The following STX1B variants were observed in gnomAD, a reference collection of about 807,000 sequenced individuals.
STX1B encodes syntaxin-1B.
Under a neutral mutation model 39.4 loss-of-function variants are expected in STX1B, and 7 were observed. That is an observed-to-expected ratio of 0.18 (90% CI 0.10 to 0.33). The LOEUF (loss-of-function observed/expected upper bound fraction) is 0.33, where lower values mean the gene tolerates loss of function less well. Ranked by LOEUF, STX1B falls within the 10% of genes least tolerant of loss-of-function variation. The probability of loss-of-function intolerance (pLI) is 1.00; values close to 1 mark genes in which losing one functional copy is unlikely to be tolerated. For synonymous variants in STX1B, 136 were observed against 144.1 expected (o/e 0.94, Z 0.40); for missense variants, 198 against 383.2 (o/e 0.52, Z 4.04).
At chr16:31,008,118 A>G (rs74015060) in intron 1 of STX1B, among the ~76,000 whole-genome samples, 7,123 of 151,618 alleles carry the variant, frequency 0.047, 590 homozygotes, top group African/African-American at 0.16. Context: ...AGTGTCTCAG[A>G]GACCCCGTTT....
At chr16:31,006,906 G>A (rs1339929520) in intron 1 of STX1B, among the ~76,000 whole-genome samples, 1 of 152,136 alleles carries the variant, frequency 6.6e-6, no homozygotes, top group East Asian at 1.9e-4. Flanking sequence ...TTTGAGGCCA[G>A]GAGTTCAAGA....
In STX1B at chr16:31,005,470, C is replaced by CTTTTTT. The variant is rs35407745; in HGVS notation, c.31-3873_31-3868dup. Among the ~76,000 whole-genome samples, 610 of 113,716 alleles carry CTTTTTT rather than the reference C, an allele frequency of 5.4e-3. 12 individuals carry two copies. The highest frequency in any genetic ancestry group is 0.034 in the Middle Eastern group (5 of 148). 74.6% of individuals were successfully genotyped at this position (113,716 alleles called of 152,430 possible). On this transcript the variant is annotated intron_variant, in intron 1 of 9. Transcript: ENST00000215095. ...TTGCATTTCTTTTTTTTTCTTTTTC[C>CTTTTTT]TTTTTTTTTTTTTTTTTTTGAGAGA...
At position 31,001,511 on chromosome 16, in the gene STX1B, G is replaced by A. The variant is rs757726520; in HGVS notation, c.105+18C>T. ...GCTGGGGCTGGGGCTGGGGCTGGGG[G>A]CCTTGGAGGCCCATTACCTGTTCAA... On this transcript the variant is annotated intron_variant, in intron 2 of 9. Coordinates refer to ENST00000215095, the MANE Select transcript of STX1B (RefSeq NM_052874.5). The surrounding 1 kb of genome is among the most constrained non-coding windows in gnomAD (Gnocchi z 5.5). 1.9e-6 allele frequency: 3 copies of A among 1,591,290 alleles called. No homozygotes were observed. Among genetic ancestry groups the A allele is most frequent in the African/African-American group, 1.3e-5 (1 of 74,528 alleles).
intron 1 of STX1B, among the ~76,000 whole-genome samples, chr16:31,004,782 C>T (rs2056647579): frequency 6.6e-6 from 1 of 152,136 alleles, no homozygotes; most frequent in Non-Finnish European, 1.5e-5. Context: ...CAATGCCTAC[C>T]ACCGGCTGAT....
chr16:30,997,678 G>A (rs904820903), intron 4 of STX1B, 103 bp from the exon 5 acceptor site: 10 of 1,122,040 alleles, frequency 8.9e-6, no homozygotes, highest in African/African-American at 4.7e-5. Flanking sequence ...GCCAGGCCCG[G>A]GGAGAAACGT....
At position 31,001,568 on chromosome 16, in the gene STX1B, G is replaced by C; in HGVS notation, c.66C>G (p.His22Gln). The C allele has an allele frequency of 1.2e-6, 2 of 1,613,384 alleles. No homozygotes were observed. The highest frequency in any genetic ancestry group is 8.5e-7 in the Non-Finnish European group (1 of 1,179,888). ...KDSDDEEEVV[H>Q]VDRDHFMDEF... ...CATCCATGAAGTGGTCCCGATCCAC[G>C]TGGACCACCTCCTCTTCATCATCAC... Residue 22 changes from histidine to glutamine, a missense_variant, in exon 2 of 10, where the codon CAC becomes CAG. His to Gln is a conservative substitution (Grantham distance 24). Coordinates refer to ENST00000215095, the MANE Select transcript of STX1B (RefSeq NM_052874.5). The surrounding 1 kb of genome is among the most constrained non-coding windows in gnomAD (Gnocchi z 5.5).
chr16:30,993,036 G>C lies in STX1B; in HGVS notation c.786+94C>G, dbSNP rs1275192457. ...CAGAAACAGGAAGAGGTCAGAGCCA[G>C]AGATAAGGCCTCCCGCCCGCTGCCA... On this transcript the variant is annotated intron_variant, in intron 9 of 9. Transcript: ENST00000215095. 3 of 1,385,422 alleles carry C rather than the reference G, an allele frequency of 2.2e-6. No homozygotes were observed. In the East Asian group the frequency reaches 6.9e-5, roughly 32 times the overall value. The allele number at this position is 1,385,422 out of a possible 1,614,324, so 85.8% of individuals were successfully genotyped here.
intron 4 of STX1B, among the ~76,000 whole-genome samples, chr16:31,000,050 T>G (rs1596718628): frequency 6.6e-6 from 1 of 150,910 alleles, no homozygotes; most frequent in Non-Finnish European, 1.5e-5. Flanking sequence ...CAGGCTGGAG[T>G]GCAGTGGCGC....
rs2056622697 is a variant in STX1B, at chr16:31,000,810, G to T, written c.280+118C>A. ...GACAGAGTTTTGCCATGTTGCCCAGGCTGGTGTTGAACTCCTGGGATTGAG... is the reference window on the plus strand; with the variant it reads ...GACAGAGTTTTGCCATGTTGCCCAGTCTGGTGTTGAACTCCTGGGATTGAG... On this transcript the variant is annotated intron_variant, in intron 4 of 9. Transcript: ENST00000215095. The T allele has an allele frequency of 5.0e-6, 5 of 993,534 alleles. No homozygotes were observed. In the East Asian group the frequency reaches 7.2e-5, roughly 14 times the overall value. 61.5% of individuals were successfully genotyped at this position (993,534 alleles called of 1,614,324 possible). A position where few individuals can be genotyped will look rare whatever the true frequency, so the allele number is the denominator to read the frequency against.
At chr16:30,998,720 G>A (rs1414693401) in intron 4 of STX1B, among the ~76,000 whole-genome samples, 1 of 152,192 alleles carries the variant, frequency 6.6e-6, no homozygotes, top group Non-Finnish European at 1.5e-5. Flanking sequence ...GGTCTGAAAG[G>A]TCAGCTTCTC....
chr16:31,001,421 T>TGCTGGG lies in STX1B; in HGVS notation c.105+102_105+107dup, dbSNP rs1362129335. The TGCTGGG allele has an allele frequency of 4.7e-6, 4 of 855,254 alleles. No individual in the cohort carries two copies. Among genetic ancestry groups the TGCTGGG allele is most frequent in the African/African-American group, 1.9e-5 (1 of 51,766 alleles). 53.0% of individuals were successfully genotyped at this position (855,254 alleles called of 1,614,324 possible). A position where few individuals can be genotyped will look rare whatever the true frequency, so the allele number is the denominator to read the frequency against. ...GGTGGGACTAGGGGCTGGGGCTGGGTGCTGGGGCTGGGGCTGGGTGCCGGG... is the reference window on the plus strand; with the variant it reads ...GGTGGGACTAGGGGCTGGGGCTGGGTGCTGGGGCTGGGGCTGGGGCTGGGTGCCGGG... On this transcript the variant is annotated intron_variant, in intron 2 of 9. Transcript: ENST00000215095. The surrounding 1 kb of genome is among the most constrained non-coding windows in gnomAD (Gnocchi z 5.5).
intron 1 of STX1B, among the ~76,000 whole-genome samples, chr16:31,002,324 G>T (rs926320211): frequency 6.6e-6 from 1 of 151,940 alleles, no homozygotes; most frequent in East Asian, 1.9e-4. Context: ...CCCTCCACCC[G>T]CAGGGCTCAG....
Position 30,992,090 on chromosome 16 carries a change from G to GACAC in STX1B, c.*727_*730dup, listed in dbSNP as rs55683703. 20,692 of 146,918 alleles carry GACAC rather than the reference G, an allele frequency of 0.14. 1,725 individuals are homozygous for GACAC. Among genetic ancestry groups the GACAC allele is most frequent in the Middle Eastern group, 0.23 (65 of 288 alleles). The allele number at this position is 146,918 out of a possible 1,614,324, so 9.1% of individuals were successfully genotyped here. The stretch of plus-strand genomic sequence containing the variant: ...CTATCAATACTTCAGGCACATCCTG[G>GACAC]ACACACACACACACACACACACACA... On this transcript the variant is annotated 3_prime_UTR_variant, in exon 10 of 10. Transcript: ENST00000215095.
At position 31,001,554 on chromosome 16, in the gene STX1B, T is replaced by C. The variant is rs1277040146; in HGVS notation, c.80A>G (p.His27Arg). 1 of 1,612,892 alleles carries C rather than the reference T, an allele frequency of 6.2e-7. No individual in the cohort carries two copies. Among genetic ancestry groups the C allele is most frequent in the South Asian group, 1.1e-5 (1 of 91,048 alleles). ...CTGTTCAAAGAACTCATCCATGAAGTGGTCCCGATCCACGTGGACCACCTC... is the reference window on the plus strand; with the variant it reads ...CTGTTCAAAGAACTCATCCATGAAGCGGTCCCGATCCACGTGGACCACCTC... ...EEEVVHVDRD[H>R]FMDEFFEQVE... The change falls in exon 2 of 10, where the codon CAC becomes CGC. Residue 27 changes from histidine (H) to arginine (R), a missense_variant. Physicochemically the swap from His to Arg is conservative, Grantham distance 29. Coordinates refer to ENST00000215095, the MANE Select transcript of STX1B (RefSeq NM_052874.5). This position sits in a 1 kb window ranked among gnomAD's most constrained non-coding sequence, Gnocchi z 5.5.
rs1162942429 is a variant in STX1B at position 30,991,440 on chromosome 16, G to C, written c.*1381C>G. ...GCACTGGGCAGCACCTCTGGGGAGG[G>C]GGGCAGGGCAAGGACAACTGGAGAG... On this transcript the variant is annotated 3_prime_UTR_variant, in exon 10 of 10. Transcript: ENST00000215095. 1 of 153,042 alleles carries C rather than the reference G, an allele frequency of 6.5e-6. No individual in the cohort carries two copies. The highest frequency in any genetic ancestry group is 1.5e-5 in the Non-Finnish European group (1 of 68,272). The allele number at this position is 153,042 out of a possible 1,614,324, so 9.5% of individuals were successfully genotyped here. A position where few individuals can be genotyped will look rare whatever the true frequency, so the allele number is the denominator to read the frequency against.
chr16:30,997,436 G>T, intron 5 of STX1B, 66 bp downstream of exon 5: 2 of 1,419,872 alleles, frequency 1.4e-6, no homozygotes, highest in Non-Finnish European at 1.9e-6. Flanking sequence ...TGGCCCGCCG[G>T]CCTCCAGCCT....
rs1388238609 is a variant in STX1B, at chr16:31,010,489, C to T, written c.-93G>A. ...TGTGCCGGAGGCCGGGGTCTGGGGGCGCCGGGGGGCGCCGCGGCCGCTGCG... is the reference window on the plus strand; with the variant it reads ...TGTGCCGGAGGCCGGGGTCTGGGGGTGCCGGGGGGCGCCGCGGCCGCTGCG... On this transcript the variant is annotated 5_prime_UTR_variant, in exon 1 of 10. Transcript: ENST00000215095. 4.3e-6 allele frequency: 4 copies of T among 932,458 alleles called. No individual in the cohort carries two copies. The highest frequency in any genetic ancestry group is 5.5e-6 in the Non-Finnish European group (4 of 724,052). 57.8% of individuals were successfully genotyped at this position (932,458 alleles called of 1,614,324 possible). A position where few individuals can be genotyped will look rare whatever the true frequency, so the allele number is the denominator to read the frequency against.
intron 4 of STX1B, 51 bp from the exon 5 acceptor site, chr16:30,997,626 C>T: frequency 6.5e-7 from 1 of 1,542,434 alleles, no homozygotes; most frequent in East Asian, 2.3e-5. Flanking sequence ...GCACATGGGG[C>T]GAGGGTCCGG....
rs2056675840 is a variant in STX1B, at chr16:31,010,464, T to G, written c.-68A>C. On this transcript the variant is annotated 5_prime_UTR_variant, in exon 1 of 10. Transcript: ENST00000215095. ...GCTGCTGCTCCGGGTCTCCCGCCTC[T>G]GTGCCGGAGGCCGGGGTCTGGGGGC... 5.1e-6 allele frequency: 6 copies of G among 1,172,266 alleles called. No individual in the cohort carries two copies. Among genetic ancestry groups the G allele is most frequent in the Non-Finnish European group, 5.5e-6 (5 of 908,262 alleles). 72.6% of individuals were successfully genotyped at this position (1,172,266 alleles called of 1,614,324 possible). A position where few individuals can be genotyped will look rare whatever the true frequency, so the allele number is the denominator to read the frequency against.
Sources: allele counts gnomAD v4.1 joint callset (sites outside exome capture counted in the v4.1 genomes callset), GRCh38; gene constraint gnomAD v4.1.1; non-coding constraint Gnocchi (gnomAD v3.1); transcripts MANE v1.5; gene names NCBI Gene and HGNC (gene_info 2026-07-23, HGNC 2026-07-21).